Variants in GALNTL6 observed in about 807,000 individuals in gnomAD.
GALNTL6 encodes the protein polypeptide N-acetylgalactosaminyltransferase like 6.
In GALNTL6, 46 loss-of-function variants were observed where a neutral mutation model predicts 73.7. The observed-to-expected ratio is 0.62, with a 90% CI of 0.49 to 0.80. GALNTL6 has a LOEUF of 0.80. Ranked by LOEUF, GALNTL6 falls within the 30% of genes least tolerant of loss-of-function variation. The pLI, the probability that GALNTL6 is intolerant of heterozygous loss-of-function variation, is 0.00. For missense variants in GALNTL6, 604 were observed against 755.0 expected (o/e 0.80, Z 2.34); for synonymous variants, 259 against 263.7 (o/e 0.98, Z 0.17).
chr4:173,026,305 T>C (rs1330171073), intron 12 of GALNTL6, among the ~76,000 whole-genome samples: 1 of 152,208 alleles, frequency 6.6e-6, no homozygotes, highest in African/African-American at 2.4e-5. Flanking sequence ...TGAAGATCTC[T>C]GGAAATGGTA....
intron 2 of GALNTL6, among the ~76,000 whole-genome samples, chr4:172,081,213 A>G (rs1731869569): frequency 6.6e-6 from 1 of 152,276 alleles, no homozygotes; most frequent in Non-Finnish European, 1.5e-5. Flanking sequence ...CTTAATGCTT[A>G]TCTTCAATCT....
chr4:172,606,665 A>ATATGTATACTATATATATAG (rs1738308424), intron 5 of GALNTL6, among the ~76,000 whole-genome samples: 1 of 38,808 alleles, frequency 2.6e-5, no homozygotes, highest in African/African-American at 7.2e-5. Context: ...TATATATACT[A>ATATGTATACTATATATATAG]TATATATATA....
chr4:172,057,745 T>A (rs1731073401), intron 2 of GALNTL6, among the ~76,000 whole-genome samples: 1 of 140,806 alleles, frequency 7.1e-6, no homozygotes, highest in African/African-American at 2.6e-5. Context: ...TATATATATA[T>A]ATATATATAT....
At chr4:173,005,502 C>T (rs926086633) in intron 10 of GALNTL6, among the ~76,000 whole-genome samples, 1 of 146,726 alleles carries the variant, frequency 6.8e-6, no homozygotes, top group Admixed American at 7.1e-5. Context: ...AAATATGAAT[C>T]ATCATAAGTG....
intron 2 of GALNTL6, among the ~76,000 whole-genome samples, chr4:172,190,843 A>G (rs1735556169): frequency 6.6e-6 from 1 of 152,230 alleles, no homozygotes; most frequent in South Asian, 2.1e-4. Context: ...AGAGCCTGTC[A>G]CTGTACTGCA....
At chr4:172,909,307 T>TAA (rs1185367298) in intron 8 of GALNTL6, among the ~76,000 whole-genome samples, 4 of 138,916 alleles carry the variant, frequency 2.9e-5, no homozygotes, top group Admixed American at 7.3e-5. Flanking sequence ...AAGTGTGTTT[T>TAA]AAAAAAAAAA....
rs572010648 is a variant in GALNTL6 at position 172,753,770 on chromosome 4, GA to G, written c.554-55590del. Among the ~76,000 whole-genome samples, 351 of 152,198 alleles carry G rather than the reference GA, an allele frequency of 2.3e-3. 6 individuals are homozygous for G. The highest frequency in any genetic ancestry group is 1.6e-3 in the Non-Finnish European group (109 of 68,004). Reference sequence around the variant, plus strand: ...AGTTTGCTAGGCAGTTTAGTGTCTGGAGAAGCTAAGCAAAATATTGTAAGAT... The same window carrying G: ...AGTTTGCTAGGCAGTTTAGTGTCTGGGAAGCTAAGCAAAATATTGTAAGAT... On this transcript the variant is annotated intron_variant, in intron 5 of 12. Transcript: ENST00000506823.
intron 5 of GALNTL6, among the ~76,000 whole-genome samples, chr4:172,420,352 T>C (rs1185667062): frequency 1.3e-5 from 2 of 152,236 alleles, no homozygotes; most frequent in Non-Finnish European, 2.9e-5. Flanking sequence ...AAGTCCCGTA[T>C]TGGGAGCAGT....
intron 2 of GALNTL6, among the ~76,000 whole-genome samples, chr4:172,010,281 T>C (rs1740964456): frequency 6.6e-6 from 1 of 151,422 alleles, no homozygotes; most frequent in African/African-American, 2.4e-5. Context: ...TTAGTAATAT[T>C]TTCTAAGAAA....
At chr4:172,302,591 C>G (rs1227498493) in intron 3 of GALNTL6, among the ~76,000 whole-genome samples, 1 of 152,142 alleles carries the variant, frequency 6.6e-6, no homozygotes, top group Non-Finnish European at 1.5e-5. Context: ...TCCTTTCTCA[C>G]AATGCTCTTA....
At chr4:172,018,605 A>C (rs1222070129) in intron 2 of GALNTL6, among the ~76,000 whole-genome samples, 1 of 152,002 alleles carries the variant, frequency 6.6e-6, no homozygotes, top group Admixed American at 6.6e-5. Context: ...CTGCACATAA[A>C]ACTCAGAACA....
chr4:172,042,481 G>A (rs563092291), intron 2 of GALNTL6, among the ~76,000 whole-genome samples: 12 of 151,946 alleles, frequency 7.9e-5, no homozygotes, highest in Admixed American at 2.6e-4. Flanking sequence ...CTACTTAAAC[G>A]TTTTATAGCA....
At chr4:172,772,562 G>A (rs1451571231) in intron 5 of GALNTL6, among the ~76,000 whole-genome samples, 1 of 137,136 alleles carries the variant, frequency 7.3e-6, no homozygotes, top group Non-Finnish European at 1.6e-5. Flanking sequence ...GGGAAGTATT[G>A]TTTTCTTACA....
intron 4 of GALNTL6, among the ~76,000 whole-genome samples, 156 bp from the exon 5 acceptor site, chr4:172,348,367 G>C (rs965635316): frequency 1.3e-5 from 2 of 152,184 alleles, no homozygotes; most frequent in Admixed American, 6.5e-5. Context: ...TTCCGTGAAG[G>C]AGCAGGATAA....
At chr4:172,268,938 C>T (rs866936108) in intron 3 of GALNTL6, among the ~76,000 whole-genome samples, 1 of 152,054 alleles carries the variant, frequency 6.6e-6, no homozygotes. Context: ...TAAAGCCAAC[C>T]AGTCTATGGT....
In GALNTL6 at chr4:172,828,289, G is replaced by C. The variant is rs201415212; in HGVS notation, c.923+14566G>C. Among the ~76,000 whole-genome samples, 177 of 128,234 alleles carry C rather than the reference G, an allele frequency of 1.4e-3. No individual in the cohort carries two copies. In the South Asian group the frequency reaches 0.027, roughly 20 times the overall value. The allele number at this position is 128,234 out of a possible 152,430, so 84.1% of individuals were successfully genotyped here. A position where few individuals can be genotyped will look rare whatever the true frequency, so the allele number is the denominator to read the frequency against. ...TCCATCTCAAAAAAAAAAAAAAAAA[G>C]AAACAAACAAAAAAAACATTGAAGT... is the stretch of plus-strand genomic sequence containing the variant. On this transcript the variant is annotated intron_variant, in intron 7 of 12. Transcript: ENST00000506823.
At chr4:172,081,043 A>T (rs1731864358) in intron 2 of GALNTL6, among the ~76,000 whole-genome samples, 1 of 152,100 alleles carries the variant, frequency 6.6e-6, no homozygotes, top group African/African-American at 2.4e-5. Context: ...TAAAACAATC[A>T]CCTGGAGTAC....
intron 7 of GALNTL6, among the ~76,000 whole-genome samples, chr4:172,866,989 G>A (rs1744696710): frequency 6.6e-6 from 1 of 152,174 alleles, no homozygotes; most frequent in South Asian, 2.1e-4. Context: ...GAGTGGAATA[G>A]CAAATAGACA....
intron 7 of GALNTL6, among the ~76,000 whole-genome samples, chr4:172,853,388 A>G (rs1238966003): frequency 6.6e-6 from 1 of 152,226 alleles, no homozygotes; most frequent in Non-Finnish European, 1.5e-5. Flanking sequence ...ATAGTCACAT[A>G]ATCACATCGT....
Sources: gnomAD v4.1 joint callset for allele counts (sites outside exome capture counted in the v4.1 genomes callset) on GRCh38, gnomAD v4.1.1 for gene constraint, MANE v1.5 for transcripts, NCBI Gene and HGNC (gene_info 2026-07-23, HGNC 2026-07-21) for gene names.